Variants in ADAMTS3 observed in about 807,000 individuals in gnomAD.
The protein encoded by ADAMTS3 is A disintegrin and metalloproteinase with thrombospondin motifs 3.
In ADAMTS3, 73 loss-of-function variants were observed where a neutral mutation model predicts 129.0. That is an observed-to-expected ratio of 0.57 (90% CI 0.47 to 0.69). The LOEUF (loss-of-function observed/expected upper bound fraction) is 0.69. ADAMTS3 is among the 30% of genes least tolerant of loss of function. The pLI, the probability that ADAMTS3 is intolerant of heterozygous loss-of-function variation, is 0.00. For synonymous variants in ADAMTS3, 477 were observed against 510.8 expected (o/e 0.93, Z 0.89); for missense variants, 1,457 against 1,514.5 (o/e 0.96, Z 0.63).
intron 4 of ADAMTS3, among the ~76,000 whole-genome samples, chr4:72,391,288 G>A (rs945288352): frequency 6.6e-6 from 1 of 152,144 alleles, no homozygotes; most frequent in Admixed American, 6.5e-5. Flanking sequence ...TGTGTATATT[G>A]TCTCTCTCCC....
At chr4:72,400,786 T>C (rs962566834) in intron 4 of ADAMTS3, among the ~76,000 whole-genome samples, 2 of 151,404 alleles carry the variant, frequency 1.3e-5, no homozygotes, top group Non-Finnish European at 3.0e-5. Context: ...TGCATAGATA[T>C]ACACATGGTG....
intron 3 of ADAMTS3, among the ~76,000 whole-genome samples, chr4:72,532,075 T>C (rs561775196): frequency 6.7e-6 from 1 of 149,954 alleles, no homozygotes; most frequent in Non-Finnish European, 1.5e-5. Context: ...AAAGTTGAAA[T>C]TTCCTACCAG....
rs138411538 is a variant in ADAMTS3, at chr4:72,485,370, T to C, written c.504+63108A>G. On this transcript the variant is annotated intron_variant, in intron 3 of 21. Transcript: ENST00000286657. Reference sequence around the variant, plus strand: ...CTGGAGTTCAATTGTCAAGTAATGATTTTAGAAGTGATATAAATTTTTAAA... The same window carrying C: ...CTGGAGTTCAATTGTCAAGTAATGACTTTAGAAGTGATATAAATTTTTAAA... Among the ~76,000 whole-genome samples, 1,114 of 152,292 alleles carry C rather than the reference T, an allele frequency of 7.3e-3. 19 individuals are homozygous for C. Among genetic ancestry groups the C allele is most frequent in the African/African-American group, 0.025 (1,056 of 41,560 alleles).
At chr4:72,554,047 T>G (rs75755998) in intron 2 of ADAMTS3, among the ~76,000 whole-genome samples, 1 of 152,136 alleles carries the variant, frequency 6.6e-6, no homozygotes, top group Admixed American at 6.6e-5. Context: ...GTAAAAAAAT[T>G]TTCTTGTCAG....
intron 3 of ADAMTS3, among the ~76,000 whole-genome samples, chr4:72,420,561 C>T (rs926810938): frequency 6.6e-6 from 1 of 152,224 alleles, no homozygotes; most frequent in East Asian, 1.9e-4. Flanking sequence ...GATCACTTAA[C>T]TGCCTATCAT....
At chr4:72,490,020 A>G (rs1283955854) in intron 3 of ADAMTS3, among the ~76,000 whole-genome samples, 1 of 151,714 alleles carries the variant, frequency 6.6e-6, no homozygotes, top group Non-Finnish European at 1.5e-5. Flanking sequence ...TATCTCACCA[A>G]CACTTATCTT....
intron 3 of ADAMTS3, among the ~76,000 whole-genome samples, 194 bp from the exon 4 acceptor site, chr4:72,415,165 C>T (rs1013596081): frequency 1.3e-5 from 2 of 151,760 alleles, no homozygotes; most frequent in Non-Finnish European, 2.9e-5. Flanking sequence ...TCACATATGA[C>T]AGAAATGAAA....
At chr4:72,445,083 G>C (rs749717651) in intron 3 of ADAMTS3, among the ~76,000 whole-genome samples, 4 of 151,532 alleles carry the variant, frequency 2.6e-5, no homozygotes, top group African/African-American at 9.7e-5. Context: ...TAATGGGCAC[G>C]TGGTTTATTT....
intron 4 of ADAMTS3, among the ~76,000 whole-genome samples, chr4:72,395,540 A>T (rs1305472836): frequency 6.6e-6 from 1 of 152,212 alleles, no homozygotes; most frequent in Non-Finnish European, 1.5e-5. Flanking sequence ...TAAAAAATTT[A>T]TATTTTATCC....
intron 3 of ADAMTS3, among the ~76,000 whole-genome samples, chr4:72,445,852 A>G (rs1171106616): frequency 6.6e-6 from 1 of 151,770 alleles, no homozygotes; most frequent in East Asian, 2.0e-4. Flanking sequence ...TCAGTTAAAT[A>G]TAATAATTCG....
At chr4:72,489,388 CTTG>C (rs933782641) in intron 3 of ADAMTS3, among the ~76,000 whole-genome samples, 7 of 151,874 alleles carry the variant, frequency 4.6e-5, no homozygotes, top group African/African-American at 7.2e-5. Flanking sequence ...TTTTAAATTG[CTTG>C]TTGTTTTCTG....
rs185309118 is a variant in ADAMTS3 at position 72,390,273 on chromosome 4, C to T, written c.661+24542G>A. Among the ~76,000 whole-genome samples the T allele has an allele frequency of 2.8e-4, 43 of 152,284 alleles. 1 individual carries two copies. The East Asian group carries it at 7.5e-3, about 27-fold the overall frequency. ...CCATATTAACTAACTTTAAAAAAGT[C>T]TCTGGGATTCTTCATGACTACTTTT... On this transcript the variant is annotated intron_variant, in intron 4 of 21. Coordinates refer to ENST00000286657, the MANE Select transcript of ADAMTS3 (RefSeq NM_014243.3).
chr4:72,318,079 AC>A (rs1197051005), intron 10 of ADAMTS3, among the ~76,000 whole-genome samples: 1 of 151,752 alleles, frequency 6.6e-6, no homozygotes, highest in African/African-American at 2.4e-5. Flanking sequence ...CACTGTCCTG[AC>A]CCCCATGGTA....
At chr4:72,314,947 A>G (rs1417603682) in intron 11 of ADAMTS3, among the ~76,000 whole-genome samples, 1 of 152,178 alleles carries the variant, frequency 6.6e-6, no homozygotes, top group African/African-American at 2.4e-5. Context: ...AAGCTTTTCA[A>G]CTTGAGTTCT....
At chr4:72,413,410 T>G (rs988259091) in intron 4 of ADAMTS3, among the ~76,000 whole-genome samples, 2 of 152,058 alleles carry the variant, frequency 1.3e-5, no homozygotes, top group Non-Finnish European at 2.9e-5. Flanking sequence ...CACTCTAACC[T>G]ACTATCTTTT....
intron 3 of ADAMTS3, among the ~76,000 whole-genome samples, chr4:72,497,734 TTAA>T (rs1202030252): frequency 9.1e-6 from 1 of 109,794 alleles, no homozygotes; most frequent in Non-Finnish European, 1.9e-5. Flanking sequence ...TTGTTATAGA[TTAA>T]TGATTATCAT....
intron 3 of ADAMTS3, among the ~76,000 whole-genome samples, chr4:72,443,981 C>G (rs938537714): frequency 1.3e-5 from 2 of 151,624 alleles, no homozygotes; most frequent in Non-Finnish European, 2.9e-5. Context: ...AATAAACAGA[C>G]AAGTAATCAC....
intron 4 of ADAMTS3, among the ~76,000 whole-genome samples, chr4:72,365,586 A>G (rs1438490364): frequency 3.3e-5 from 5 of 152,216 alleles, no homozygotes; most frequent in African/African-American, 1.2e-4. Context: ...GATGCTGTAC[A>G]CATCATGAAT....
chr4:72,382,983 T>C (rs1721333393), intron 4 of ADAMTS3, among the ~76,000 whole-genome samples: 1 of 152,052 alleles, frequency 6.6e-6, no homozygotes, highest in Non-Finnish European at 1.5e-5. Flanking sequence ...TTATGCACTA[T>C]ACCCATGTAA....
Sources: allele counts gnomAD v4.1 joint callset (sites outside exome capture counted in the v4.1 genomes callset), GRCh38; gene constraint gnomAD v4.1.1; transcripts MANE v1.5; gene names NCBI Gene and HGNC (gene_info 2026-07-23, HGNC 2026-07-21).